Variants in SLC39A11 observed in about 807,000 individuals in gnomAD.
SLC39A11 encodes solute carrier family 39 member 11.
Under a neutral mutation model 36.1 loss-of-function variants are expected in SLC39A11, and 33 were observed. The ratio of observed to expected loss-of-function variants is 0.91; its 90% CI spans 0.69 to 1.22. SLC39A11 has a LOEUF of 1.22. Among genes scored for constraint, SLC39A11 ranks in the 50% most tolerant of loss-of-function variants. SLC39A11 has a pLI of 0.00. For missense variants in SLC39A11, 432 were observed against 430.3 expected, an observed-to-expected ratio of 1.00 and a Z score of -0.03; for synonymous variants, 166 against 170.3, an observed-to-expected ratio of 0.97 and a Z score of 0.20.
chr17:72,940,315 G>A (rs999352244), intron 5 of SLC39A11, among the ~76,000 whole-genome samples: 4 of 145,576 alleles, frequency 2.7e-5, no homozygotes, highest in African/African-American at 1.0e-4. Flanking sequence ...TGCTCTTGTC[G>A]CCCAGGCTGG....
At chr17:72,773,683 T>C (rs1371126836) in intron 6 of SLC39A11, among the ~76,000 whole-genome samples, 1 of 105,088 alleles carries the variant, frequency 9.5e-6, no homozygotes, top group Non-Finnish European at 1.9e-5. Context: ...ACACACCCAG[T>C]ATATAAAGGA....
chr17:73,043,780 A>G (rs2059184280), intron 3 of SLC39A11, among the ~76,000 whole-genome samples: 1 of 152,176 alleles, frequency 6.6e-6, no homozygotes, highest in Non-Finnish European at 1.5e-5. Flanking sequence ...TGTCTGTTCA[A>G]TATCAAGTCA....
At chr17:72,978,965 A>T (rs1312489047) in intron 4 of SLC39A11, among the ~76,000 whole-genome samples, 3 of 152,124 alleles carry the variant, frequency 2.0e-5, no homozygotes, top group African/African-American at 7.2e-5. Context: ...ACAAAGATAA[A>T]AAAGAAGGCC....
chr17:72,953,986 G>A (rs1306575708), intron 4 of SLC39A11, among the ~76,000 whole-genome samples: 1 of 152,194 alleles, frequency 6.6e-6, no homozygotes, highest in Non-Finnish European at 1.5e-5. Flanking sequence ...TTCAACTAAG[G>A]CTGTGATGAC....
chr17:72,673,913 C>T (rs1367059525), intron 7 of SLC39A11, among the ~76,000 whole-genome samples: 3 of 151,958 alleles, frequency 2.0e-5, no homozygotes, highest in Non-Finnish European at 4.4e-5. Flanking sequence ...ACTAAAAATA[C>T]AAAAATTAGC....
intron 6 of SLC39A11, among the ~76,000 whole-genome samples, chr17:72,748,897 C>A (rs1217644601): frequency 6.6e-6 from 1 of 152,186 alleles, no homozygotes; most frequent in African/African-American, 2.4e-5. Flanking sequence ...TATCTGCAGG[C>A]CCAAGGACAG....
chr17:72,754,812 G>A (rs1488819473), intron 6 of SLC39A11, among the ~76,000 whole-genome samples: 2 of 152,182 alleles, frequency 1.3e-5, no homozygotes, highest in Non-Finnish European at 2.9e-5. Context: ...ACACGTACAC[G>A]AATGCAGTGA....
intron 4 of SLC39A11, among the ~76,000 whole-genome samples, chr17:73,016,288 T>C (rs961776031): frequency 6.6e-6 from 1 of 152,018 alleles, no homozygotes; most frequent in Non-Finnish European, 1.5e-5. Context: ...TGGGTTCCAC[T>C]CCAGTTCTCC....
intron 4 of SLC39A11, among the ~76,000 whole-genome samples, chr17:72,967,908 T>G (rs1313984620): frequency 1.3e-5 from 2 of 152,156 alleles, no homozygotes; most frequent in Non-Finnish European, 2.9e-5. Flanking sequence ...CTCTGCAGTC[T>G]CAGTTCTTTT....
In SLC39A11 at chr17:72,795,242, T is replaced by G. The variant is rs977933158; in HGVS notation, c.601+54392A>C. ...CTCGGGGTCTGTCATGAGGCTTCAGTCATGACAGTAGCCTGGGCTGTTGTC... is the reference window on the plus strand; with the variant it reads ...CTCGGGGTCTGTCATGAGGCTTCAGGCATGACAGTAGCCTGGGCTGTTGTC... On this transcript the variant is annotated intron_variant, in intron 6 of 9. Coordinates refer to ENST00000255559, the MANE Select transcript of SLC39A11 (RefSeq NM_139177.4). Among the ~76,000 whole-genome samples, 5 of 152,054 alleles carry G rather than the reference T, an allele frequency of 3.3e-5. 1 individual carries two copies. The highest frequency in any genetic ancestry group is 9.7e-5 in the African/African-American group (4 of 41,324).
chr17:72,664,484 A>G (rs1405465734), intron 7 of SLC39A11, among the ~76,000 whole-genome samples: 1 of 152,194 alleles, frequency 6.6e-6, no homozygotes, highest in African/African-American at 2.4e-5. Flanking sequence ...GGGAAACCAG[A>G]GGCGGGGATC....
intron 5 of SLC39A11, among the ~76,000 whole-genome samples, chr17:72,873,778 G>C (rs768865835): frequency 6.6e-6 from 1 of 152,218 alleles, no homozygotes; most frequent in South Asian, 2.1e-4. Context: ...GAAACGGTTT[G>C]GCTCTGTGTC....
chr17:72,902,669 T>C (rs575004072), intron 5 of SLC39A11, among the ~76,000 whole-genome samples: 26 of 152,218 alleles, frequency 1.7e-4, no homozygotes, highest in Non-Finnish European at 2.6e-4. Flanking sequence ...TATCTATAGA[T>C]AGAATAACCG....
intron 5 of SLC39A11, among the ~76,000 whole-genome samples, chr17:72,947,271 G>A (rs181035225): frequency 5.3e-5 from 8 of 151,640 alleles, no homozygotes; most frequent in Non-Finnish European, 7.4e-5. Flanking sequence ...CTGAGATGGC[G>A]CCACTGCACT....
chr17:72,823,300 G>T (rs2077875588), intron 6 of SLC39A11, among the ~76,000 whole-genome samples: 1 of 151,222 alleles, frequency 6.6e-6, no homozygotes, highest in African/African-American at 2.4e-5. Flanking sequence ...CCAGGAGCCA[G>T]ATTTTAGGGT....
rs534716751 is a variant in SLC39A11 at position 72,804,010 on chromosome 17, G to T, written c.601+45624C>A. Among the ~76,000 whole-genome samples the T allele has an allele frequency of 1.6e-4, 23 of 148,248 alleles. No individual in the cohort carries two copies. The South Asian group carries it at 4.7e-3, about 30-fold the overall frequency. On this transcript the variant is annotated intron_variant, in intron 6 of 9. Transcript: ENST00000255559. The stretch of plus-strand genomic sequence containing the variant: ...GTAAACACTATCTTTTTTGGGTGGG[G>T]GCGGGGTTGGAGTCTAGCTCTGTCG...
At chr17:72,924,536 G>A (rs2083916597) in intron 5 of SLC39A11, among the ~76,000 whole-genome samples, 1 of 152,104 alleles carries the variant, frequency 6.6e-6, no homozygotes, top group Non-Finnish European at 1.5e-5. Flanking sequence ...TGGTCTAAAA[G>A]AGACTGTGAC....
intron 7 of SLC39A11, among the ~76,000 whole-genome samples, chr17:72,666,389 A>C (rs768217382): frequency 1.3e-5 from 2 of 152,230 alleles, no homozygotes; most frequent in Non-Finnish European, 2.9e-5. Flanking sequence ...GTGGAGGCCA[A>C]ATGAGAAAGG....
At chr17:72,789,111 T>C (rs892613261) in intron 6 of SLC39A11, among the ~76,000 whole-genome samples, 1 of 151,770 alleles carries the variant, frequency 6.6e-6, no homozygotes, top group Non-Finnish European at 1.5e-5. Flanking sequence ...CTCAGCTCAC[T>C]GCAACCTCTG....
Sources: gnomAD v4.1 joint callset for allele counts (sites outside exome capture counted in the v4.1 genomes callset) on GRCh38, gnomAD v4.1.1 for gene constraint, MANE v1.5 for transcripts, NCBI Gene and HGNC (gene_info 2026-07-23, HGNC 2026-07-21) for gene names.